The following PHYHD1 variants were observed in gnomAD, a reference collection of about 807,000 sequenced individuals.
PHYHD1 encodes phytanoyl-CoA dioxygenase domain containing 1.
PHYHD1 carries 42 observed loss-of-function variants against 43.6 expected under a neutral mutation model. The observed-to-expected ratio is 0.96, with a 90% CI of 0.75 to 1.25. The LOEUF (loss-of-function observed/expected upper bound fraction) is 1.25, where lower values mean the gene tolerates loss of function less well. Ranked by LOEUF, PHYHD1 falls within the 50% of genes most tolerant of loss-of-function variation. PHYHD1 has a pLI of 0.00. For synonymous variants in PHYHD1, 139 were observed against 143.6 expected (o/e 0.97, Z 0.23); for missense variants, 342 against 370.8 (o/e 0.92, Z 0.64).
rs566485518 is a variant in PHYHD1 at position 128,936,567 on chromosome 9, C to T, written c.373-16C>T. On this transcript the variant is annotated splice_polypyrimidine_tract_variant and intron_variant, in intron 7 of 12. Transcript: ENST00000372592. The stretch of plus-strand genomic sequence containing the variant: ...ATGTGTGGCAGGCTGGCAGCATGAC[C>T]TTTGCCCCCCTCCAGACCTTGGCCA... 146 of 1,598,670 alleles carry T rather than the reference C, an allele frequency of 9.1e-5. No individual in the cohort carries two copies. The East Asian group carries it at 3.2e-3, about 35-fold the overall frequency.
chr9:128,932,168 TGTTATTA>T (rs1841301769), intron 4 of PHYHD1, among the ~76,000 whole-genome samples: 7 of 122,842 alleles, frequency 5.7e-5, no homozygotes, highest in African/African-American at 2.1e-4. Flanking sequence ...TTATTATTAT[TGTTATTA>T]TTATTATTAT....
intron 3 of PHYHD1, 149 bp downstream of exon 3, chr9:128,922,505 T>C (rs1841024270): frequency 1.1e-6 from 1 of 916,288 alleles, no homozygotes; most frequent in African/African-American, 1.7e-5. Flanking sequence ...CCGCAACCCC[T>C]CCTGACTTCT....
At chr9:128,934,546 A>T (rs372607987) in intron 6 of PHYHD1, among the ~76,000 whole-genome samples, 2 of 152,090 alleles carry the variant, frequency 1.3e-5, no homozygotes, top group South Asian at 2.1e-4. Context: ...AGGTGGGTGG[A>T]TCACCTGAGG....
At chr9:128,935,932 T>C (rs2131113186) in intron 6 of PHYHD1, among the ~76,000 whole-genome samples, 1 of 152,134 alleles carries the variant, frequency 6.6e-6, no homozygotes, top group South Asian at 2.1e-4. Context: ...AAATAAAAAG[T>C]ACATAGCTCA....
At chr9:128,937,672 G>C in intron 8 of PHYHD1, 85 bp from the exon 9 acceptor site, 4 of 1,532,384 alleles carry the variant, frequency 2.6e-6, no homozygotes, top group Non-Finnish European at 3.6e-6. Context: ...CCTGTGGCCA[G>C]AGCAATAGCA....
chr9:128,939,114 A>G (rs1488671485), intron 9 of PHYHD1, among the ~76,000 whole-genome samples: 4 of 131,368 alleles, frequency 3.0e-5, no homozygotes, highest in African/African-American at 1.0e-4. Flanking sequence ...TCCATTTCAA[A>G]TGTTCCTTTG....
At chr9:128,932,793 C>T (rs1427775751) in intron 4 of PHYHD1, among the ~76,000 whole-genome samples, 1 of 149,580 alleles carries the variant, frequency 6.7e-6, no homozygotes, top group Non-Finnish European at 1.5e-5. Flanking sequence ...AGCCACAGTG[C>T]CTGGTTGGTC....
intron 3 of PHYHD1, among the ~76,000 whole-genome samples, chr9:128,925,412 G>T (rs1322508964): frequency 6.6e-6 from 1 of 151,712 alleles, no homozygotes; most frequent in Admixed American, 6.6e-5. Flanking sequence ...TTTTAGTAGA[G>T]ACAGGGTTTC....
intron 4 of PHYHD1, 136 bp from the exon 5 acceptor site, chr9:128,933,646 T>C: frequency 1.1e-6 from 1 of 908,988 alleles, no homozygotes; most frequent in South Asian, 1.3e-5. Flanking sequence ...TGTGCCTCAG[T>C]GGACAAGTCT....
chr9:128,929,220 A>G (rs1025946631), intron 4 of PHYHD1, among the ~76,000 whole-genome samples: 1 of 152,086 alleles, frequency 6.6e-6, no homozygotes, highest in Non-Finnish European at 1.5e-5. Flanking sequence ...GGTCCCAGCT[A>G]CATGGGAGGC....
At chr9:128,934,190 C>T (rs1841368045) in intron 6 of PHYHD1, 132 bp downstream of exon 6, 1 of 923,532 alleles carries the variant, frequency 1.1e-6, no homozygotes, top group Non-Finnish European at 1.6e-6. Flanking sequence ...GAGTTCAAGA[C>T]CAGTCTGGCC....
At chr9:128,923,576 C>T (rs1841058455) in intron 3 of PHYHD1, among the ~76,000 whole-genome samples, 1 of 152,238 alleles carries the variant, frequency 6.6e-6, no homozygotes, top group Non-Finnish European at 1.5e-5. Flanking sequence ...CTTTGTTAAA[C>T]TAATCCCCTT....
rs1840997497 is a variant in PHYHD1, at chr9:128,921,489, G to C, written c.-339G>C. 1 of 152,184 alleles carries C rather than the reference G, an allele frequency of 6.6e-6. No homozygotes were observed. Among genetic ancestry groups the C allele is most frequent in the Non-Finnish European group, 1.5e-5 (1 of 68,086 alleles). The allele number at this position is 152,184 out of a possible 1,614,324, so 9.4% of individuals were successfully genotyped here. On this transcript the variant is annotated 5_prime_UTR_variant, in exon 1 of 13. Transcript: ENST00000372592. The stretch of plus-strand genomic sequence containing the variant: ...AATTTTTTGTATTTTTAGTAGAGAC[G>C]GGGTTTCACCGTGTTAGCCAGGATG...
intron 3 of PHYHD1, among the ~76,000 whole-genome samples, chr9:128,925,689 C>CG (rs1488954400): frequency 6.6e-6 from 1 of 152,058 alleles, no homozygotes; most frequent in Non-Finnish European, 1.5e-5. Flanking sequence ...GCTGCCACTG[C>CG]GCTCAGGATA....
chr9:128,924,790 C>T (rs1841093236), intron 3 of PHYHD1, among the ~76,000 whole-genome samples: 2 of 151,936 alleles, frequency 1.3e-5, no homozygotes, highest in Admixed American at 6.6e-5. Context: ...CAAAAATTAG[C>T]CAGGTGTGGT....
chr9:128,938,032 C>T lies in PHYHD1; in HGVS notation c.457+254C>T, dbSNP rs150603958. 2.1e-4 allele frequency: 272 copies of T among 1,274,976 alleles called. 2 individuals carry two copies. The East Asian group carries it at 3.6e-3, about 17-fold the overall frequency. The allele number at this position is 1,274,976 out of a possible 1,614,324, so 79.0% of individuals were successfully genotyped here. A position where few individuals can be genotyped will look rare whatever the true frequency, so the allele number is the denominator to read the frequency against. ...AAAAATATAGATTTCCTAGGACAGG[C>T]GTGGTGGCTCATGCCTGTAATCCCA... On this transcript the variant is annotated intron_variant, in intron 9 of 12. Transcript: ENST00000372592.
At position 128,936,488 on chromosome 9, in the gene PHYHD1, C is replaced by T; in HGVS notation, c.357C>T (p.His119=). Residue 119 remains histidine (H), a synonymous_variant, in exon 7 of 13, where the codon CAC becomes CAT. Coordinates refer to ENST00000372592, the MANE Select transcript of PHYHD1 (RefSeq NM_001100876.2). ...AHDPVFKSIT[H]SFKVQTLARS... ...ACCCCGTCTTCAAGAGCATCACACA[C>T]TCCTTCAAGGTGCAGGTGAGCAGAG... The T allele has an allele frequency of 6.2e-7, 1 of 1,613,840 alleles. No individual in the cohort carries two copies. Among genetic ancestry groups the T allele is most frequent in the Non-Finnish European group, 8.5e-7 (1 of 1,179,954 alleles).
intron 4 of PHYHD1, among the ~76,000 whole-genome samples, chr9:128,928,720 A>C (rs1447361469): frequency 6.6e-6 from 1 of 152,078 alleles, no homozygotes; most frequent in Non-Finnish European, 1.5e-5. Flanking sequence ...AAACAAAAAC[A>C]AAAACAAAAA....
At chr9:128,922,146 T>G in intron 2 of PHYHD1, 99 bp downstream of exon 2, 1 of 612,676 alleles carries the variant, frequency 1.6e-6, no homozygotes, top group Non-Finnish European at 2.9e-6. Context: ...GTTGTGGGGG[T>G]GGGGGAGATT....
Sources: allele counts gnomAD v4.1 joint callset (sites outside exome capture counted in the v4.1 genomes callset), GRCh38; gene constraint gnomAD v4.1.1; transcripts MANE v1.5; gene names NCBI Gene and HGNC (gene_info 2026-07-23, HGNC 2026-07-21).